The following FER1L6 variants were observed in gnomAD, a reference collection of about 807,000 sequenced individuals.
FER1L6 encodes fer-1-like protein 6.
FER1L6 carries 177 observed loss-of-function variants against 219.2 expected under a neutral mutation model. The ratio of observed to expected loss-of-function variants is 0.81; its 90% CI spans 0.71 to 0.91. The LOEUF (loss-of-function observed/expected upper bound fraction) is 0.91. Among genes scored for constraint, FER1L6 ranks in the 40% least tolerant of loss-of-function variants. FER1L6 has a pLI of 0.00. For missense variants in FER1L6, 2,153 were observed against 2,259.9 expected, an observed-to-expected ratio of 0.95 and a Z score of 0.96; for synonymous variants, 768 against 824.3, an observed-to-expected ratio of 0.93 and a Z score of 1.17.
At chr8:124,048,171 A>G (rs182322922) in intron 21 of FER1L6, among the ~76,000 whole-genome samples, 7 of 152,326 alleles carry the variant, frequency 4.6e-5, no homozygotes, top group African/African-American at 1.7e-4. Context: ...TTCCATCTCA[A>G]CCAAGTTTCC....
At chr8:123,962,187 C>A (rs556634940) in intron 2 of FER1L6, among the ~76,000 whole-genome samples, 2 of 152,126 alleles carry the variant, frequency 1.3e-5, no homozygotes, top group South Asian at 2.1e-4. Context: ...CTGTGCCCAG[C>A]CTGTCTGTGG....
chr8:124,113,610 A>G (rs115442699), intron 39 of FER1L6, among the ~76,000 whole-genome samples: 24 of 152,310 alleles, frequency 1.6e-4, no homozygotes, highest in African/African-American at 4.3e-4. Context: ...ACAAGACTCA[A>G]TCATGGTTTA....
At chr8:124,030,193 G>A (rs1026360725) in intron 18 of FER1L6, among the ~76,000 whole-genome samples, 2 of 152,138 alleles carry the variant, frequency 1.3e-5, no homozygotes, top group African/African-American at 4.8e-5. Flanking sequence ...TCAAGCTTAT[G>A]CATCCAGAAT....
chr8:123,975,338 A>G (rs767940943), intron 8 of FER1L6, 32 bp downstream of exon 8: 1 of 1,553,720 alleles, frequency 6.4e-7, no homozygotes, highest in Non-Finnish European at 8.7e-7. Context: ...TTGTGCATAG[A>G]AATGATATGT....
Position 124,039,924 on chromosome 8 carries a change from G to A in FER1L6, c.2507G>A (p.Arg836Gln), listed in dbSNP as rs376735300. 25 of 1,613,960 alleles carry A rather than the reference G, an allele frequency of 1.5e-5. No individual in the cohort carries two copies. The highest frequency in any genetic ancestry group is 5.3e-5 in the African/African-American group (4 of 74,896). Residue 836 changes from arginine (R) to glutamine (Q), a missense_variant, in exon 20 of 41, where the codon CGG becomes CAG. Physicochemically the swap from Arg to Gln is conservative, Grantham distance 43. Coordinates refer to ENST00000522917, the MANE Select transcript of FER1L6 (RefSeq NM_001039112.2). ...FQLRAHMYQA[R>Q]GLIAADSNGL... is the part of the protein sequence containing the mutation. ...CTGAGGGCTCACATGTACCAAGCCCGGGGCCTCATCGCAGCTGACAGCAAT... is the reference window on the plus strand; with the variant it reads ...CTGAGGGCTCACATGTACCAAGCCCAGGGCCTCATCGCAGCTGACAGCAAT...
intron 36 of FER1L6, 119 bp downstream of exon 36, chr8:124,097,478 G>A (rs1408317933): frequency 8.0e-6 from 6 of 753,006 alleles, no homozygotes; most frequent in Non-Finnish European, 1.3e-5. Context: ...TATCCACCCG[G>A]CCAGTTTTTC....
At chr8:123,936,610 A>G (rs774961792) in intron 1 of FER1L6, among the ~76,000 whole-genome samples, 11 of 152,120 alleles carry the variant, frequency 7.2e-5, no homozygotes, top group Non-Finnish European at 1.6e-4. Flanking sequence ...ATACAACAAA[A>G]GCAGATATGT....
At chr8:123,933,156 G>A (rs907847268) in intron 1 of FER1L6, among the ~76,000 whole-genome samples, 1 of 150,660 alleles carries the variant, frequency 6.6e-6, no homozygotes, top group Admixed American at 6.6e-5. Context: ...CATGGCTGGA[G>A]GGCTCTGGAC....
intron 25 of FER1L6, among the ~76,000 whole-genome samples, chr8:124,062,380 C>T (rs149394517): frequency 2.9e-4 from 44 of 152,326 alleles, no homozygotes; most frequent in African/African-American, 9.9e-4. Flanking sequence ...CAGTTCCATG[C>T]TCTACAATCA....
At chr8:124,042,345 T>C (rs759350505) in intron 20 of FER1L6, among the ~76,000 whole-genome samples, 2 of 152,270 alleles carry the variant, frequency 1.3e-5, no homozygotes, top group African/African-American at 2.4e-5. Flanking sequence ...TAATAATAGC[T>C]GCTATTTACT....
chr8:124,013,171 T>C (rs77732053), intron 14 of FER1L6, among the ~76,000 whole-genome samples: 6,571 of 152,272 alleles, frequency 0.043, 460 homozygotes, highest in African/African-American at 0.15. Flanking sequence ...CATTAGGGAA[T>C]GGATCTATAA....
At position 123,854,801 on chromosome 8, in the gene FER1L6, G is replaced by A. The variant is rs533499131; in HGVS notation, c.-8+2616G>A. On this transcript the variant is annotated intron_variant, in intron 1 of 40. Transcript: ENST00000522917. ...AGCGGGAGACTGTGGGAGTGAAACT[G>A]GGAGTGAAAGCCAATCTCTCCAGGC... 4.2e-3 allele frequency among the ~76,000 whole-genome samples: 635 copies of A among 152,252 alleles called. 3 individuals carry two copies. Among genetic ancestry groups the A allele is most frequent in the Middle Eastern group, 0.01 (3 of 294 alleles).
rs752590780 is a variant in FER1L6 at position 124,023,451 on chromosome 8, A to G, written c.2141A>G (p.His714Arg). 1.2e-6 allele frequency: 2 copies of G among 1,613,836 alleles called. No individual in the cohort carries two copies. Among genetic ancestry groups the G allele is most frequent in the Non-Finnish European group, 1.7e-6 (2 of 1,179,892 alleles). Reference sequence around the variant, plus strand: ...CTCCCTCTATTCCCACAGCCCCAGCACACTATCCCTGACGTTTTCATCTGG... The same window carrying G: ...CTCCCTCTATTCCCACAGCCCCAGCGCACTATCCCTGACGTTTTCATCTGG... The part of the protein sequence containing the change: ...KIRFLVDEPQ[H>R]TIPDVFIWML... The change falls in exon 18 of 41, where the codon CAC becomes CGC. Residue 714 changes from histidine to arginine, a missense_variant. Physicochemically the swap from His to Arg is conservative, Grantham distance 29. Coordinates refer to ENST00000522917, the MANE Select transcript of FER1L6 (RefSeq NM_001039112.2).
At position 123,852,471 on chromosome 8, in the gene FER1L6, C is replaced by T. The variant is rs901272879; in HGVS notation, c.-8+286C>T. 5.7e-5 allele frequency among the ~76,000 whole-genome samples: 8 copies of T among 140,058 alleles called. No individual in the cohort carries two copies. Among genetic ancestry groups the T allele is most frequent in the Non-Finnish European group, 9.2e-5 (6 of 64,980 alleles). 91.9% of individuals were successfully genotyped at this position (140,058 alleles called of 152,430 possible). On this transcript the variant is annotated intron_variant, in intron 1 of 40. Transcript: ENST00000522917. This position sits in a 1 kb window ranked among gnomAD's most constrained non-coding sequence, Gnocchi z 4.9. ...GCTTGAACTCCATGTTGTGAGCATGCGTGTGTGTGTGTGTGTGTGTGTGTG... is the reference window on the plus strand; with the variant it reads ...GCTTGAACTCCATGTTGTGAGCATGTGTGTGTGTGTGTGTGTGTGTGTGTG...
At chr8:123,858,427 T>G (rs1047356446) in intron 1 of FER1L6, among the ~76,000 whole-genome samples, 9 of 152,236 alleles carry the variant, frequency 5.9e-5, no homozygotes, top group African/African-American at 2.2e-4. Context: ...GTAACAGATA[T>G]ACCTGAAATC....
chr8:123,939,056 G>A (rs557750826), intron 1 of FER1L6: 2 of 604,196 alleles, frequency 3.3e-6, no homozygotes, highest in African/African-American at 4.0e-5. Context: ...AGCAAGGGAA[G>A]AAAATATCAA....
chr8:124,013,328 CA>C lies in FER1L6; in HGVS notation c.1822-93del, dbSNP rs60829730. ...GATAAATCCTCCTTCATTGCCAAAACAAAAAAAAAATAGCTGTTATTTCTAG... is the reference window on the plus strand; with the variant it reads ...GATAAATCCTCCTTCATTGCCAAAACAAAAAAAAATAGCTGTTATTTCTAG... On this transcript the variant is annotated intron_variant, in intron 14 of 40. Coordinates refer to ENST00000522917, the MANE Select transcript of FER1L6 (RefSeq NM_001039112.2). The C allele has an allele frequency of 9.8e-3, 5,737 of 586,332 alleles. 4 individuals are homozygous for C. The highest frequency in any genetic ancestry group is 0.025 in the East Asian group (717 of 28,702). The allele number at this position is 586,332 out of a possible 1,614,324, so 36.3% of individuals were successfully genotyped here. A position where few individuals can be genotyped will look rare whatever the true frequency, so the allele number is the denominator to read the frequency against.
intron 20 of FER1L6, among the ~76,000 whole-genome samples, chr8:124,044,826 A>G (rs1318709608): frequency 6.6e-6 from 1 of 152,212 alleles, no homozygotes; most frequent in African/African-American, 2.4e-5. Flanking sequence ...TTAAATAGAG[A>G]AGAAAATGCA....
intron 32 of FER1L6, among the ~76,000 whole-genome samples, chr8:124,081,370 C>T (rs531028552): frequency 2.0e-5 from 3 of 151,988 alleles, no homozygotes; most frequent in African/African-American, 4.8e-5. Context: ...AGACACCTTG[C>T]GTTGGTGTGG....
Sources: allele counts gnomAD v4.1 joint callset (sites outside exome capture counted in the v4.1 genomes callset), GRCh38; gene constraint gnomAD v4.1.1; non-coding constraint Gnocchi (gnomAD v3.1); transcripts MANE v1.5; gene names NCBI Gene and HGNC (gene_info 2026-07-23, HGNC 2026-07-21).